CTNNA2: variants seen among roughly 807,000 people sequenced by gnomAD.
CTNNA2 encodes catenin alpha-2.
In CTNNA2, 42 loss-of-function variants were observed where a neutral mutation model predicts 101.0. The observed-to-expected ratio is 0.42, with a 90% CI of 0.32 to 0.54. The LOEUF is 0.54. Among genes scored for constraint, CTNNA2 ranks in the 20% least tolerant of loss-of-function variants. The pLI is 0.14. For missense variants in CTNNA2, 871 were observed against 1,223.1 expected (o/e 0.71, Z 4.29); for synonymous variants, 450 against 456.4 (o/e 0.99, Z 0.18).
chr2:79,769,629 T>C (rs1258089483), intron 3 of CTNNA2, among the ~76,000 whole-genome samples: 1 of 152,192 alleles, frequency 6.6e-6, no homozygotes, highest in Non-Finnish European at 1.5e-5. Context: ...TTTGAAGCTG[T>C]CCTTAAGCAT....
chr2:79,362,427 A>C (rs4852477), intron 3 of CTNNA2, among the ~76,000 whole-genome samples: 116,685 of 152,122 alleles, frequency 0.77, 45,054 homozygotes, highest in East Asian at 0.96. Flanking sequence ...CAGGTATCAT[A>C]TGTTTTAATG....
intron 4 of CTNNA2, among the ~76,000 whole-genome samples, chr2:79,398,428 C>T (rs1054013043): frequency 3.9e-5 from 6 of 152,098 alleles, no homozygotes; most frequent in African/African-American, 1.4e-4. Flanking sequence ...CTATAGTCTA[C>T]AGTGTCAAAC....
chr2:79,278,375 A>C (rs1373182359), intron 2 of CTNNA2, among the ~76,000 whole-genome samples: 1 of 152,042 alleles, frequency 6.6e-6, no homozygotes, highest in East Asian at 1.9e-4. Flanking sequence ...ACTATTTTAG[A>C]ATTGGAGACA....
chr2:80,030,248 A>T (rs959301057), intron 7 of CTNNA2, among the ~76,000 whole-genome samples: 1 of 150,782 alleles, frequency 6.6e-6, no homozygotes, highest in African/African-American at 2.4e-5. Context: ...AAAAAAAAAG[A>T]TGTTAAAAGA....
chr2:79,674,877 G>C (rs370496042), intron 2 of CTNNA2, among the ~76,000 whole-genome samples: 2 of 152,252 alleles, frequency 1.3e-5, no homozygotes, highest in African/African-American at 2.4e-5. Context: ...TTTATTGTCA[G>C]TTGAGTTTAT....
At chr2:80,275,774 G>C (rs946735678) in intron 7 of CTNNA2, among the ~76,000 whole-genome samples, 10 of 152,136 alleles carry the variant, frequency 6.6e-5, no homozygotes, top group Non-Finnish European at 4.4e-5. Context: ...AATCTAAATT[G>C]TAGTTTAGCA....
At chr2:79,485,870 T>C (rs1671152444) in intron 4 of CTNNA2, among the ~76,000 whole-genome samples, 1 of 152,184 alleles carries the variant, frequency 6.6e-6, no homozygotes, top group Non-Finnish European at 1.5e-5. Flanking sequence ...AGGAAGTTTA[T>C]AACTTCATTA....
chr2:80,441,263 A>G (rs185248030), intron 9 of CTNNA2, among the ~76,000 whole-genome samples: 63 of 152,280 alleles, frequency 4.1e-4, no homozygotes, highest in Middle Eastern at 3.4e-3. Flanking sequence ...AAAAAAAATT[A>G]TTGGTGAAGT....
intron 7 of CTNNA2, among the ~76,000 whole-genome samples, chr2:80,104,037 A>G (rs984562267): frequency 1.3e-5 from 2 of 152,212 alleles, no homozygotes; most frequent in African/African-American, 4.8e-5. Flanking sequence ...ACTGTTAATT[A>G]TAACAGCTAT....
chr2:80,641,973 C>A (rs1673544753), intron 18 of CTNNA2, among the ~76,000 whole-genome samples: 1 of 152,052 alleles, frequency 6.6e-6, no homozygotes, highest in Non-Finnish European at 1.5e-5. Context: ...TTGGGAAGAT[C>A]AATATAAGCA....
chr2:79,584,895 C>T (rs778340923), intron 1 of CTNNA2, among the ~76,000 whole-genome samples: 8 of 152,094 alleles, frequency 5.3e-5, no homozygotes, highest in Non-Finnish European at 8.8e-5. Flanking sequence ...CATAGACATC[C>T]GGAACAATTT....
chr2:79,365,216 G>A (rs1043403233), intron 3 of CTNNA2, among the ~76,000 whole-genome samples: 1 of 152,046 alleles, frequency 6.6e-6, no homozygotes, highest in South Asian at 2.1e-4. Context: ...GGCAGAGGTT[G>A]CAGTGAGTCG....
intron 1 of CTNNA2, among the ~76,000 whole-genome samples, chr2:79,618,515 G>A (rs1383715901): frequency 6.6e-6 from 1 of 152,130 alleles, no homozygotes; most frequent in Non-Finnish European, 1.5e-5. Context: ...AAATGCCCAA[G>A]ATAAGCCTCT....
chr2:80,456,864 T>G (rs987046548), intron 9 of CTNNA2, among the ~76,000 whole-genome samples: 2 of 152,122 alleles, frequency 1.3e-5, no homozygotes, highest in African/African-American at 4.8e-5. Context: ...AAAGAGAGGT[T>G]GGTTAACAGG....
intron 1 of CTNNA2, among the ~76,000 whole-genome samples, chr2:79,647,024 C>G (rs1423382492): frequency 6.6e-6 from 1 of 152,124 alleles, no homozygotes; most frequent in African/African-American, 2.4e-5. Context: ...TAAATTTTTA[C>G]TTTGAATTCA....
At chr2:80,042,901 G>A (rs1238880356) in intron 7 of CTNNA2, among the ~76,000 whole-genome samples, 2 of 152,140 alleles carry the variant, frequency 1.3e-5, no homozygotes, top group Non-Finnish European at 2.9e-5. Flanking sequence ...TGAGACTGGG[G>A]TTGAGACTTT....
At chr2:80,280,316 T>G (rs1264083458) in intron 7 of CTNNA2, among the ~76,000 whole-genome samples, 2 of 150,890 alleles carry the variant, frequency 1.3e-5, no homozygotes, top group African/African-American at 4.9e-5. Context: ...ACTGCTGCCT[T>G]CTGCTGACTG....
At chr2:80,636,942 A>G (rs1672949862) in intron 18 of CTNNA2, among the ~76,000 whole-genome samples, 1 of 152,184 alleles carries the variant, frequency 6.6e-6, no homozygotes, top group African/African-American at 2.4e-5. Context: ...GCTAGAAAAG[A>G]TACATAAGTG....
At chr2:79,207,655 C>T (rs796820482) in intron 2 of CTNNA2, among the ~76,000 whole-genome samples, 8 of 152,062 alleles carry the variant, frequency 5.3e-5, no homozygotes, top group East Asian at 3.9e-4. Flanking sequence ...AGTGGTGGTT[C>T]GGGGCTTTTT....
Sources: gnomAD v4.1 joint callset for allele counts (sites outside exome capture counted in the v4.1 genomes callset) on GRCh38, gnomAD v4.1.1 for gene constraint, MANE v1.5 for transcripts, NCBI Gene and HGNC (gene_info 2026-07-23, HGNC 2026-07-21) for gene names.